The following PCDHGA10 variants were observed in gnomAD, a reference collection of about 807,000 sequenced individuals.
PCDHGA10 encodes protocadherin gamma-A10.
Under a neutral mutation model 59.5 loss-of-function variants are expected in PCDHGA10, and 42 were observed. The ratio of observed to expected loss-of-function variants is 0.71; its 90% CI spans 0.55 to 0.91. PCDHGA10 has a LOEUF of 0.91. Ranked by LOEUF, PCDHGA10 falls within the 40% of genes least tolerant of loss-of-function variation. The pLI is 0.00. For synonymous variants in PCDHGA10, 511 were observed against 517.2 expected (o/e 0.99, Z 0.16); for missense variants, 1,111 against 1,198.2 (o/e 0.93, Z 1.07).
Position 141,477,686 on chromosome 5 carries a change from C to T in PCDHGA10, c.2437-17121C>T, listed in dbSNP as rs201090822. Reference sequence around the variant, plus strand: ...CAATGGCATAGTGTCATCCTTAGTGCCCCTAGACTATGAGGATCGGCGGGA... The same window carrying T: ...CAATGGCATAGTGTCATCCTTAGTGTCCCTAGACTATGAGGATCGGCGGGA... On this transcript the variant is annotated intron_variant, in intron 1 of 3. Coordinates refer to ENST00000398610, the MANE Select transcript of PCDHGA10 (RefSeq NM_018913.3). This position sits in a 1 kb window ranked among gnomAD's most constrained non-coding sequence, Gnocchi z 4.9. The T allele has an allele frequency of 4.3e-6, 7 of 1,614,024 alleles. No homozygotes were observed. The highest frequency in any genetic ancestry group is 1.6e-4 in the Middle Eastern group (1 of 6,084).
Position 141,490,743 on chromosome 5 carries a change from C to T in PCDHGA10, c.2437-4064C>T, listed in dbSNP as rs1011278142. 7.4e-6 allele frequency: 12 copies of T among 1,614,058 alleles called. No homozygotes were observed. The highest frequency in any genetic ancestry group is 1.0e-5 in the Non-Finnish European group (12 of 1,180,038). On this transcript the variant is annotated intron_variant, in intron 1 of 3. Transcript: ENST00000398610. This position sits in a 1 kb window ranked among gnomAD's most constrained non-coding sequence, Gnocchi z 5.4. ...TTGTAGGAAATCAGGTTCAGGGAGC[C>T]CCAGCCTCCTCCTTTGTGTATGTCA...
chr5:141,476,587 G>A lies in PCDHGA10; in HGVS notation c.2437-18220G>A. ...CTCCGGGGACGCGCTTTCCGCTCGA[G>A]AGCGCGCACGATCCCGATGTGGGAA... On this transcript the variant is annotated intron_variant, in intron 1 of 3. Coordinates refer to ENST00000398610, the MANE Select transcript of PCDHGA10 (RefSeq NM_018913.3). The surrounding 1 kb of genome is among the most constrained non-coding windows in gnomAD (Gnocchi z 7.6). 6.2e-7 allele frequency: 1 copy of A among 1,614,234 alleles called. No homozygotes were observed. The highest frequency in any genetic ancestry group is 1.1e-5 in the South Asian group (1 of 91,086).
At position 141,490,490 on chromosome 5, in the gene PCDHGA10, C is replaced by T; in HGVS notation, c.2437-4317C>T. 1 of 1,614,184 alleles carries T rather than the reference C, an allele frequency of 6.2e-7. No homozygotes were observed. The highest frequency in any genetic ancestry group is 8.5e-7 in the Non-Finnish European group (1 of 1,180,028). The stretch of plus-strand genomic sequence containing the variant: ...AGCCAGCCTTTGGACCGGGAGGCCA[C>T]ATCCCACTATATCATCGAGCTGCTG... On this transcript the variant is annotated intron_variant, in intron 1 of 3. Coordinates refer to ENST00000398610, the MANE Select transcript of PCDHGA10 (RefSeq NM_018913.3). The surrounding 1 kb of genome is among the most constrained non-coding windows in gnomAD (Gnocchi z 5.4).
Position 141,486,587 on chromosome 5 carries a change from G to C in PCDHGA10, c.2437-8220G>C. 6.2e-7 allele frequency: 1 copy of C among 1,613,596 alleles called. No individual in the cohort carries two copies. The highest frequency in any genetic ancestry group is 8.5e-7 in the Non-Finnish European group (1 of 1,180,006). On this transcript the variant is annotated intron_variant, in intron 1 of 3. Transcript: ENST00000398610. The surrounding 1 kb of genome is among the most constrained non-coding windows in gnomAD (Gnocchi z 5.0). ...TGTTCCTGAGAACAATCGCCCAGGG[G>C]ACCTGCTTTGCTCCCTTGCAGCCTC...
chr5:141,421,749 C>T, intron 1 of PCDHGA10: 1 of 1,613,918 alleles, frequency 6.2e-7, no homozygotes, highest in Non-Finnish European at 8.5e-7. Flanking sequence ...ACCAGCTCAG[C>T]CCTAATAATT....
chr5:141,500,124 A>G (rs1042231430), intron 2 of PCDHGA10, among the ~76,000 whole-genome samples: 2 of 151,656 alleles, frequency 1.3e-5, no homozygotes, highest in African/African-American at 2.4e-5. Flanking sequence ...GCCTTTTCAT[A>G]TATATCTTTC....
chr5:141,418,391 T>G, intron 1 of PCDHGA10: 1 of 1,614,010 alleles, frequency 6.2e-7, no homozygotes, highest in Non-Finnish European at 8.5e-7. Context: ...TAACGAGTAT[T>G]TCTCATTGGT....
chr5:141,465,801 C>T (rs1380215288), intron 1 of PCDHGA10, among the ~76,000 whole-genome samples: 2 of 151,400 alleles, frequency 1.3e-5, no homozygotes, highest in Non-Finnish European at 2.9e-5. Context: ...TTAAGAAACC[C>T]TTCAGGATCT....
At chr5:141,495,810 C>A (rs1003475681) in intron 2 of PCDHGA10, among the ~76,000 whole-genome samples, 2 of 152,088 alleles carry the variant, frequency 1.3e-5, no homozygotes, top group African/African-American at 4.8e-5. Flanking sequence ...CGTTTCCTAG[C>A]GCCTTGTGTT....
chr5:141,432,449 T>C lies in PCDHGA10; in HGVS notation c.2436+16838T>C. 5.6e-6 allele frequency: 9 copies of C among 1,614,220 alleles called. No individual in the cohort carries two copies. The highest frequency in any genetic ancestry group is 7.6e-6 in the Non-Finnish European group (9 of 1,180,038). On this transcript the variant is annotated intron_variant, in intron 1 of 3. Coordinates refer to ENST00000398610, the MANE Select transcript of PCDHGA10 (RefSeq NM_018913.3). The surrounding 1 kb of genome is among the most constrained non-coding windows in gnomAD (Gnocchi z 6.0). The stretch of plus-strand genomic sequence containing the variant: ...GAACGACAATGCGCCCGAGATCCTG[T>C]ACCCCGCCCTCCCCACGGACGGTTC...
chr5:141,458,054 T>G (rs2098935656), intron 1 of PCDHGA10, among the ~76,000 whole-genome samples: 1 of 152,252 alleles, frequency 6.6e-6, no homozygotes, highest in Admixed American at 6.5e-5. Context: ...GGATTCTTGC[T>G]GCACTGATGC....
rs143317584 is a variant in PCDHGA10 at position 141,432,282 on chromosome 5, A to G, written c.2436+16671A>G. 5.0e-5 allele frequency: 81 copies of G among 1,613,850 alleles called. No homozygotes were observed. The African/African-American group carries it at 6.4e-4, about 13-fold the overall frequency. ...AGCCTATCGTCCTACGTGTCCATCAACTCCGACACTGGGGTACTGTATGCG... is the reference window on the plus strand; with the variant it reads ...AGCCTATCGTCCTACGTGTCCATCAGCTCCGACACTGGGGTACTGTATGCG... On this transcript the variant is annotated intron_variant, in intron 1 of 3. Transcript: ENST00000398610. This position sits in a 1 kb window ranked among gnomAD's most constrained non-coding sequence, Gnocchi z 6.0.
chr5:141,420,089 A>G lies in PCDHGA10; in HGVS notation c.2436+4478A>G. On this transcript the variant is annotated intron_variant, in intron 1 of 3. Transcript: ENST00000398610. The stretch of plus-strand genomic sequence containing the variant: ...CGGACCTGTGGGTCCCCCCAACTAC[A>G]GTGAGGGAACGTTGCCCTATGCCTA... 2.5e-6 allele frequency: 4 copies of G among 1,613,986 alleles called. No individual in the cohort carries two copies. Among genetic ancestry groups the G allele is most frequent in the Middle Eastern group, 1.6e-4 (1 of 6,062 alleles).
At chr5:141,508,823 G>A (rs1445894402) in intron 3 of PCDHGA10, among the ~76,000 whole-genome samples, 1 of 151,966 alleles carries the variant, frequency 6.6e-6, no homozygotes, top group Admixed American at 6.6e-5. Flanking sequence ...GCCAGATCTG[G>A]GCCCCCCTCC....
At chr5:141,474,241 G>A (rs1367530484) in intron 1 of PCDHGA10, among the ~76,000 whole-genome samples, 8 of 151,928 alleles carry the variant, frequency 5.3e-5, no homozygotes, top group East Asian at 1.9e-4. Context: ...TGCTGAATAG[G>A]GGAAAAAAAG....
Position 141,491,410 on chromosome 5 carries a change from GA to G in PCDHGA10, c.2437-3396del. 1 of 1,614,142 alleles carries G rather than the reference GA, an allele frequency of 6.2e-7. No homozygotes were observed. The highest frequency in any genetic ancestry group is 8.5e-7 in the Non-Finnish European group (1 of 1,180,034). On this transcript the variant is annotated intron_variant, in intron 1 of 3. Coordinates refer to ENST00000398610, the MANE Select transcript of PCDHGA10 (RefSeq NM_018913.3). This position sits in a 1 kb window ranked among gnomAD's most constrained non-coding sequence, Gnocchi z 6.9. ...GTGCCTTCAGGGAAACGCAGACGGG[GA>G]CGGGGGTGGAGGGCAGTGCTGCAGG...
chr5:141,421,362 C>T (rs2096566609), intron 1 of PCDHGA10: 1 of 1,613,998 alleles, frequency 6.2e-7, no homozygotes, highest in African/African-American at 1.3e-5. Context: ...AGGGCTCCTT[C>T]GTGGGCAATA....
chr5:141,438,998 C>A (rs932958148), intron 1 of PCDHGA10, among the ~76,000 whole-genome samples: 7 of 151,836 alleles, frequency 4.6e-5, no homozygotes, highest in Non-Finnish European at 1.0e-4. Flanking sequence ...GGCTAAGGAC[C>A]TGGTTTGTTT....
chr5:141,450,835 T>TA lies in PCDHGA10; in HGVS notation c.2436+35224_2436+35225insA, dbSNP rs1438371595. ...ATTTAATATTATTATTATTATTTTT[T>TA]TTTTTTTGAGATGGGGTCTTGCTCT... is the stretch of plus-strand genomic sequence containing the variant. On this transcript the variant is annotated intron_variant, in intron 1 of 3. Coordinates refer to ENST00000398610, the MANE Select transcript of PCDHGA10 (RefSeq NM_018913.3). 4.0e-3 allele frequency among the ~76,000 whole-genome samples: 570 copies of TA among 142,160 alleles called. 3 individuals are homozygous for TA. The highest frequency in any genetic ancestry group is 0.015 in the Middle Eastern group (4 of 270). The allele number at this position is 142,160 out of a possible 152,430, so 93.3% of individuals were successfully genotyped here.
Sources: allele counts gnomAD v4.1 joint callset (sites outside exome capture counted in the v4.1 genomes callset), GRCh38; gene constraint gnomAD v4.1.1; non-coding constraint Gnocchi (gnomAD v3.1); transcripts MANE v1.5; gene names NCBI Gene and HGNC (gene_info 2026-07-23, HGNC 2026-07-21).